Variants in ZNF706 observed in about 807,000 individuals in gnomAD.
ZNF706 encodes zinc finger protein 706.
A neutral mutation model predicts 9.2 loss-of-function variants in ZNF706; 4 were observed. The observed-to-expected ratio is 0.43, with a 90% CI of 0.21 to 0.99. The LOEUF (loss-of-function observed/expected upper bound fraction) is 0.99. Ranked by LOEUF, ZNF706 falls within the 50% of genes least tolerant of loss-of-function variation. The pLI, the probability that ZNF706 is intolerant of heterozygous loss-of-function variation, is 0.26. For synonymous variants in ZNF706, 28 were observed against 27.3 expected (o/e 1.03, Z -0.08); for missense variants, 27 against 87.8 (o/e 0.31, Z 2.77).
chr8:101,199,890 A>G (rs1223788321), intron 3 of ZNF706, 100 bp downstream of exon 3: 36 of 813,190 alleles, frequency 4.4e-5, no homozygotes, highest in Non-Finnish European at 7.1e-5. Context: ...AAGCAATAAA[A>G]TCTCAGAAGG....
Position 101,201,748 on chromosome 8 carries a change from A to C in ZNF706, c.-2-5T>G. 6.2e-7 allele frequency: 1 copy of C among 1,613,516 alleles called. No homozygotes were observed. Among genetic ancestry groups the C allele is most frequent in the Non-Finnish European group, 8.5e-7 (1 of 1,179,782 alleles). On this transcript the variant is annotated splice_polypyrimidine_tract_variant and splice_region_variant and intron_variant, in intron 1 of 3. Coordinates refer to ENST00000311212, the MANE Select transcript of ZNF706 (RefSeq NM_016096.5). This position sits in a 1 kb window ranked among gnomAD's most constrained non-coding sequence, Gnocchi z 4.5. ...TCTGCTGTCCACGAGCCATATCTAA[A>C]AACAGAAGGTGAAGCATTAGAGTGG...
chr8:101,197,067 T>G lies in ZNF706; in HGVS notation c.*2185A>C, dbSNP rs1454380826. The G allele has an allele frequency of 6.6e-6, 1 of 152,192 alleles. No homozygotes were observed. Among genetic ancestry groups the G allele is most frequent in the Non-Finnish European group, 1.5e-5 (1 of 68,030 alleles). 9.4% of individuals were successfully genotyped at this position (152,192 alleles called of 1,614,324 possible). ...ACTAGTTTAGTTTTCTTTAATATCTTCTTTAATAAGACATTACAGCACACA... is the reference window on the plus strand; with the variant it reads ...ACTAGTTTAGTTTTCTTTAATATCTGCTTTAATAAGACATTACAGCACACA... On this transcript the variant is annotated 3_prime_UTR_variant, in exon 4 of 4. Transcript: ENST00000311212.
At chr8:101,204,079 C>CT (rs1754973677) in intron 1 of ZNF706, 1 of 152,128 alleles carries the variant, frequency 6.6e-6, no homozygotes. Context: ...TTTTATGTAT[C>CT]TTAATACACT....
rs1467576336 is a variant in ZNF706 at position 101,198,373 on chromosome 8, C to CA, written c.*878dup. 6.6e-6 allele frequency: 1 copy of CA among 152,118 alleles called. No homozygotes were observed. Among genetic ancestry groups the CA allele is most frequent in the Admixed American group, 6.5e-5 (1 of 15,272 alleles). The allele number at this position is 152,118 out of a possible 1,614,324, so 9.4% of individuals were successfully genotyped here. A position where few individuals can be genotyped will look rare whatever the true frequency, so the allele number is the denominator to read the frequency against. The stretch of plus-strand genomic sequence containing the variant: ...GTAAAAATGGCCAAATAGTAACTTC[C>CA]AAAAACCTCAAAAATTAATGTTTCA... On this transcript the variant is annotated 3_prime_UTR_variant, in exon 4 of 4. Transcript: ENST00000311212.
In ZNF706 at chr8:101,198,419, A is replaced by C. The variant is rs1176899602; in HGVS notation, c.*833T>G. On this transcript the variant is annotated 3_prime_UTR_variant, in exon 4 of 4. Coordinates refer to ENST00000311212, the MANE Select transcript of ZNF706 (RefSeq NM_016096.5). The stretch of plus-strand genomic sequence containing the variant: ...TTTCAATTTCAAATTAAAGAACTTC[A>C]AGAATTTTCAAAGAATATAGTATCA... The C allele has an allele frequency of 6.6e-6, 1 of 152,234 alleles. No individual in the cohort carries two copies. Among genetic ancestry groups the C allele is most frequent in the Non-Finnish European group, 1.5e-5 (1 of 68,024 alleles). The allele number at this position is 152,234 out of a possible 1,614,324, so 9.4% of individuals were successfully genotyped here.
rs1023387508 is a variant in ZNF706 at position 101,198,498 on chromosome 8, C to T, written c.*754G>A. 3.3e-5 allele frequency: 5 copies of T among 152,178 alleles called. No individual in the cohort carries two copies. The highest frequency in any genetic ancestry group is 1.2e-4 in the African/African-American group (5 of 41,452). The allele number at this position is 152,178 out of a possible 1,614,324, so 9.4% of individuals were successfully genotyped here. Reference sequence around the variant, plus strand: ...TCCATATTTTGCATTAAACAATAGGCTTAATGATTATTTCATTACGGCATA... The same window carrying T: ...TCCATATTTTGCATTAAACAATAGGTTTAATGATTATTTCATTACGGCATA... On this transcript the variant is annotated 3_prime_UTR_variant, in exon 4 of 4. Coordinates refer to ENST00000311212, the MANE Select transcript of ZNF706 (RefSeq NM_016096.5).
Position 101,199,251 on chromosome 8 carries a change from A to T in ZNF706, c.*13-12T>A. ...TGTCATGAATTCACCTATAAAACAT[A>T]AGCAAAATTTTCAATGAATGTTACC... is the stretch of plus-strand genomic sequence containing the variant. On this transcript the variant is annotated splice_polypyrimidine_tract_variant and intron_variant, in intron 3 of 3. Transcript: ENST00000311212. 1 of 701,676 alleles carries T rather than the reference A, an allele frequency of 1.4e-6. No homozygotes were observed. Among genetic ancestry groups the T allele is most frequent in the Non-Finnish European group, 2.6e-6 (1 of 384,286 alleles). The allele number at this position is 701,676 out of a possible 1,614,324, so 43.5% of individuals were successfully genotyped here. A position where few individuals can be genotyped will look rare whatever the true frequency, so the allele number is the denominator to read the frequency against.
chr8:101,202,295 A>AAAC (rs1027912448), intron 1 of ZNF706: 7 of 148,158 alleles, frequency 4.7e-5, no homozygotes, highest in African/African-American at 1.8e-4. Flanking sequence ...AAAAAAAAAA[A>AAAC]AAAAAAAAAA....
Position 101,201,085 on chromosome 8 carries a change from T to A in ZNF706, c.135+522A>T, listed in dbSNP as rs140119702. 3 of 162,252 alleles carry A rather than the reference T, an allele frequency of 1.8e-5. No individual in the cohort carries two copies. The highest frequency in any genetic ancestry group is 7.2e-5 in the African/African-American group (3 of 41,698). 10.1% of individuals were successfully genotyped at this position (162,252 alleles called of 1,614,324 possible). A position where few individuals can be genotyped will look rare whatever the true frequency, so the allele number is the denominator to read the frequency against. Reference sequence around the variant, plus strand: ...AATAGGTGAATACATGTAAAACACCTGGCTCTATGTGTGGCATATGGTAAG... The same window carrying A: ...AATAGGTGAATACATGTAAAACACCAGGCTCTATGTGTGGCATATGGTAAG... On this transcript the variant is annotated intron_variant, in intron 2 of 3. Coordinates refer to ENST00000311212, the MANE Select transcript of ZNF706 (RefSeq NM_016096.5). The surrounding 1 kb of genome is among the most constrained non-coding windows in gnomAD (Gnocchi z 4.5).
At chr8:101,204,402 A>AC (rs2129912020) in intron 1 of ZNF706, 1 of 154,540 alleles carries the variant, frequency 6.5e-6, no homozygotes, top group South Asian at 2.1e-4. Context: ...AAAACTTAAC[A>AC]CCAGGTAAAG....
intron 1 of ZNF706, chr8:101,204,935 G>A (rs1810697629): frequency 1.0e-6 from 1 of 985,540 alleles, no homozygotes; most frequent in Non-Finnish European, 1.2e-6. Flanking sequence ...GAGGAGAGGA[G>A]GAACGCACCC....
upstream of ZNF706, chr8:101,206,151 C>T (rs1379159282): frequency 6.6e-6 from 1 of 152,242 alleles, no homozygotes; most frequent in African/African-American, 2.4e-5. Flanking sequence ...GGCTGAGTCA[C>T]ATTCCCGGAG....
chr8:101,200,404 C>A (rs987332375), intron 2 of ZNF706: 4 of 228,512 alleles, frequency 1.8e-5, no homozygotes, highest in African/African-American at 4.6e-5. Flanking sequence ...TCCCACAGAA[C>A]CTTCAAAGTA....
At chr8:101,204,785 A>G (rs983836443) in intron 1 of ZNF706, 146 of 985,318 alleles carry the variant, frequency 1.5e-4, no homozygotes, top group Non-Finnish European at 1.7e-4. Context: ...AGCTCCTTTT[A>G]AAACCAACAT....
chr8:101,202,610 G>T (rs1810603115), intron 1 of ZNF706: 1 of 152,198 alleles, frequency 6.6e-6, no homozygotes. Flanking sequence ...GGTCACCTTG[G>T]GGGTTATGGG....
intron 2 of ZNF706, chr8:101,200,437 AT>A: frequency 4.6e-6 from 1 of 215,298 alleles, no homozygotes; most frequent in Non-Finnish European, 9.5e-6. Context: ...TACTAGCATC[AT>A]TTTACCTGAT....
Position 101,198,446 on chromosome 8 carries a change from G to C in ZNF706, c.*806C>G, listed in dbSNP as rs1487587842. The C allele has an allele frequency of 6.6e-6, 1 of 152,108 alleles. No homozygotes were observed. Among genetic ancestry groups the C allele is most frequent in the Non-Finnish European group, 1.5e-5 (1 of 67,990 alleles). 9.4% of individuals were successfully genotyped at this position (152,108 alleles called of 1,614,324 possible). ...GAATTTTCAAAGAATATAGTATCAA[G>C]ATCGACCTTTACCAGTTCACATTTG... is the stretch of plus-strand genomic sequence containing the variant. On this transcript the variant is annotated 3_prime_UTR_variant, in exon 4 of 4. Transcript: ENST00000311212.
rs527983427 is a variant in ZNF706 at position 101,201,746 on chromosome 8, A to G, written c.-2-3T>C. ...TTTCTGCTGTCCACGAGCCATATCT[A>G]AAAACAGAAGGTGAAGCATTAGAGT... is the stretch of plus-strand genomic sequence containing the variant. On this transcript the variant is annotated splice_polypyrimidine_tract_variant and splice_region_variant and intron_variant, in intron 1 of 3. Coordinates refer to ENST00000311212, the MANE Select transcript of ZNF706 (RefSeq NM_016096.5). The surrounding 1 kb of genome is among the most constrained non-coding windows in gnomAD (Gnocchi z 4.5). 2 of 1,612,504 alleles carry G rather than the reference A, an allele frequency of 1.2e-6. No homozygotes were observed. The highest frequency in any genetic ancestry group is 2.7e-5 in the African/African-American group (2 of 74,982).
rs1167614442 is a variant in ZNF706 at position 101,198,193 on chromosome 8, A to G, written c.*1059T>C. The stretch of plus-strand genomic sequence containing the variant: ...TTTAATACTTTTCAAGTTCAGATGG[A>G]AGTCATACTGTACACCAGTCTCTGA... On this transcript the variant is annotated 3_prime_UTR_variant, in exon 4 of 4. Coordinates refer to ENST00000311212, the MANE Select transcript of ZNF706 (RefSeq NM_016096.5). 2 of 152,178 alleles carry G rather than the reference A, an allele frequency of 1.3e-5. No individual in the cohort carries two copies. The highest frequency in any genetic ancestry group is 2.4e-5 in the African/African-American group (1 of 41,448). 9.4% of individuals were successfully genotyped at this position (152,178 alleles called of 1,614,324 possible). A position where few individuals can be genotyped will look rare whatever the true frequency, so the allele number is the denominator to read the frequency against.
Sources: gnomAD v4.1 joint callset for allele counts on GRCh38, gnomAD v4.1.1 for gene constraint, Gnocchi (gnomAD v3.1) non-coding constraint, MANE v1.5 for transcripts, NCBI Gene and HGNC (gene_info 2026-07-23, HGNC 2026-07-21) for gene names.